The following IL15 variants were observed in gnomAD, a reference collection of about 807,000 sequenced individuals.
IL15 encodes interleukin 15.
IL15 carries 11 observed loss-of-function variants against 19.6 expected under a neutral mutation model. That is an observed-to-expected ratio of 0.56 (90% confidence interval 0.35 to 0.93). The LOEUF (loss-of-function observed/expected upper bound fraction) is 0.93, where lower values mean the gene tolerates loss of function less well. Among genes scored for constraint, IL15 ranks in the 40% least tolerant of loss-of-function variants. The pLI, the probability that IL15 is intolerant of heterozygous loss-of-function variation, is 0.01. For missense variants in IL15, 197 were observed against 186.5 expected (o/e 1.06, Z -0.33); for synonymous variants, 58 against 59.6 (o/e 0.97, Z 0.12).
intron 2 of IL15, among the ~76,000 whole-genome samples, chr4:141,688,367 A>C (rs1334682132): frequency 6.6e-6 from 1 of 152,222 alleles, no homozygotes; most frequent in African/African-American, 2.4e-5. Context: ...TAATGTGTTA[A>C]ATAACAGCTT....
chr4:141,651,700 TAC>T (rs144565292), intron 1 of IL15, among the ~76,000 whole-genome samples: 3,096 of 152,164 alleles, frequency 0.02, 106 homozygotes, highest in African/African-American at 0.07. Context: ...CCGGATGATA[TAC>T]ATATATATTC....
Position 141,730,011 on chromosome 4 carries a change from T to A in IL15, c.378+27T>A, listed in dbSNP as rs941629643. On this transcript the variant is annotated intron_variant, in intron 7 of 7. Transcript: ENST00000320650. The stretch of plus-strand genomic sequence containing the variant: ...TGAGTTTTCCAACAGTTGCTTAGAG[T>A]TGCATCTTATGTTTTGGGCCTGATT... 6.3e-6 allele frequency: 10 copies of A among 1,576,474 alleles called. No homozygotes were observed. In the Admixed American group the frequency reaches 1.2e-4, roughly 18 times the overall value.
intron 3 of IL15, 31 bp downstream of exon 3, chr4:141,719,507 T>C: frequency 7.6e-7 from 1 of 1,308,136 alleles, no homozygotes; most frequent in South Asian, 1.2e-5. Context: ...AAATATCCTA[T>C]GGAATTTCCC....
intron 2 of IL15, among the ~76,000 whole-genome samples, chr4:141,673,003 G>A (rs1728225071): frequency 6.6e-6 from 1 of 152,174 alleles, no homozygotes; most frequent in Admixed American, 6.5e-5. Flanking sequence ...CCAGTATCAT[G>A]TAGCTGCTGT....
chr4:141,655,826 C>A (rs1225756876), intron 1 of IL15, among the ~76,000 whole-genome samples: 3 of 152,146 alleles, frequency 2.0e-5, no homozygotes, highest in Non-Finnish European at 4.4e-5. Flanking sequence ...AACTTAATAT[C>A]AAACACACAA....
rs139450886 is a variant in IL15, at chr4:141,646,007, T to C, written c.-222+9259T>C. 1.4e-4 allele frequency among the ~76,000 whole-genome samples: 22 copies of C among 152,194 alleles called. No homozygotes were observed. The East Asian group carries it at 4.3e-3, about 29-fold the overall frequency. ...TATGGAATTTCCAGACTTTAACATT[T>C]GTTTTATTCTTTTGGGAAAAGCAAG... is the stretch of plus-strand genomic sequence containing the variant. On this transcript the variant is annotated intron_variant, in intron 1 of 7. Transcript: ENST00000320650.
intron 2 of IL15, among the ~76,000 whole-genome samples, chr4:141,658,601 CAGAT>C (rs1459341345): frequency 1.3e-5 from 2 of 151,654 alleles, no homozygotes; most frequent in African/African-American, 2.4e-5. Flanking sequence ...TTAACACTCT[CAGAT>C]AGAATTCTGT....
At chr4:141,641,837 T>G (rs1233801716) in intron 1 of IL15, among the ~76,000 whole-genome samples, 1 of 150,844 alleles carries the variant, frequency 6.6e-6, no homozygotes, top group African/African-American at 2.4e-5. Context: ...ACTTAAAGTA[T>G]AATTTAAAAA....
intron 2 of IL15, among the ~76,000 whole-genome samples, chr4:141,681,041 C>T (rs925205046): frequency 7.2e-5 from 11 of 152,282 alleles, no homozygotes; most frequent in East Asian, 3.9e-4. Context: ...TACCTGCTGA[C>T]GTCTATATAT....
Position 141,733,155 on chromosome 4 carries a change from G to T in IL15, c.*307G>T. The T allele has an allele frequency of 4.4e-6, 1 of 227,298 alleles. No individual in the cohort carries two copies. 14.1% of individuals were successfully genotyped at this position (227,298 alleles called of 1,614,324 possible). A position where few individuals can be genotyped will look rare whatever the true frequency, so the allele number is the denominator to read the frequency against. ...AATATGTACAAGTGTTGTTTTTTAA[G>T]TTGCACTGATATTTTACCTCTTATT... On this transcript the variant is annotated 3_prime_UTR_variant, in exon 8 of 8. Coordinates refer to ENST00000320650, the MANE Select transcript of IL15 (RefSeq NM_000585.5).
At chr4:141,666,899 T>C (rs1301103767) in intron 2 of IL15, among the ~76,000 whole-genome samples, 1 of 152,226 alleles carries the variant, frequency 6.6e-6, no homozygotes, top group African/African-American at 2.4e-5. Context: ...AGCCTATTCA[T>C]ATTAGGTCAT....
chr4:141,723,811 T>C (rs1163309551), intron 5 of IL15, among the ~76,000 whole-genome samples: 1 of 152,094 alleles, frequency 6.6e-6, no homozygotes, highest in Non-Finnish European at 1.5e-5. Context: ...CTTAAATGTA[T>C]ACACATCAAA....
At position 141,642,581 on chromosome 4, in the gene IL15, C is replaced by T. The variant is rs544799197; in HGVS notation, c.-222+5833C>T. 9.2e-5 allele frequency among the ~76,000 whole-genome samples: 14 copies of T among 152,220 alleles called. No individual in the cohort carries two copies. The South Asian group carries it at 2.9e-3, about 32-fold the overall frequency. ...AGAGGTTTCCCACTGGGGACTAGTG[C>T]GAAATAAGCTCTAGTAGGGCTTGGA... On this transcript the variant is annotated intron_variant, in intron 1 of 7. Transcript: ENST00000320650.
chr4:141,721,612 G>A, intron 4 of IL15: 1 of 527,528 alleles, frequency 1.9e-6, no homozygotes, highest in Admixed American at 2.5e-5. Context: ...CATTTATTGA[G>A]CATTGCCACA....
intron 4 of IL15, 89 bp from the exon 5 acceptor site, chr4:141,721,835 T>C (rs1277661388): frequency 3.4e-6 from 4 of 1,171,142 alleles, no homozygotes; most frequent in Non-Finnish European, 4.9e-6. Context: ...CTGGTCAGAA[T>C]AAAAATTATT....
intron 2 of IL15, among the ~76,000 whole-genome samples, chr4:141,671,392 C>T (rs1176576506): frequency 6.6e-6 from 1 of 152,142 alleles, no homozygotes; most frequent in Non-Finnish European, 1.5e-5. Flanking sequence ...ATTACTAACT[C>T]ATGTTTTCTG....
chr4:141,666,267 C>T (rs1004909191), intron 2 of IL15, among the ~76,000 whole-genome samples: 1 of 151,916 alleles, frequency 6.6e-6, no homozygotes, highest in Admixed American at 6.6e-5. Flanking sequence ...GGTCCCCGGG[C>T]GTGGTGGCTC....
At chr4:141,638,380 G>C (rs547795023) in intron 1 of IL15, among the ~76,000 whole-genome samples, 114 of 152,314 alleles carry the variant, frequency 7.5e-4, no homozygotes, top group African/African-American at 2.6e-3. Flanking sequence ...CTCTCCTGCA[G>C]TATCATCTGC....
intron 2 of IL15, among the ~76,000 whole-genome samples, chr4:141,674,292 T>C (rs1035968806): frequency 6.6e-6 from 1 of 152,240 alleles, no homozygotes; most frequent in African/African-American, 2.4e-5. Flanking sequence ...GTCATTTGAT[T>C]ATTTGTGTAG....
Sources: allele counts gnomAD v4.1 joint callset (sites outside exome capture counted in the v4.1 genomes callset), GRCh38; gene constraint gnomAD v4.1.1; transcripts MANE v1.5; gene names NCBI Gene and HGNC (gene_info 2026-07-23, HGNC 2026-07-21).